The following ADAMTS17 variants were observed in gnomAD, a reference collection of about 807,000 sequenced individuals.
The protein encoded by ADAMTS17 is ADAM metallopeptidase with thrombospondin type 1 motif 17, also known as A disintegrin and metalloproteinase with thrombospondin motifs 17.
In ADAMTS17, 113 loss-of-function variants were observed where a neutral mutation model predicts 141.5. That is an observed-to-expected ratio of 0.80 (90% CI 0.69 to 0.93). The LOEUF is 0.93. Ranked by LOEUF, ADAMTS17 falls within the 40% of genes least tolerant of loss-of-function variation. ADAMTS17 has a pLI of 0.00. For missense variants in ADAMTS17, 1,659 were observed against 1,517.9 expected (o/e 1.09, Z -1.54); for synonymous variants, 768 against 630.6 (o/e 1.22, Z -3.27).
chr15:100,314,451 T>C (rs534363777), intron 3 of ADAMTS17, among the ~76,000 whole-genome samples: 5 of 152,188 alleles, frequency 3.3e-5, no homozygotes, highest in South Asian at 2.1e-4. Context: ...GAACAAAATA[T>C]GTGTGGAGGG....
At chr15:100,084,776 G>A (rs2034990032) in intron 15 of ADAMTS17, among the ~76,000 whole-genome samples, 1 of 152,214 alleles carries the variant, frequency 6.6e-6, no homozygotes, top group African/African-American at 2.4e-5. Context: ...ACCTGTAGCT[G>A]AGGGTCCTCA....
Position 100,030,531 on chromosome 15 carries a change from G to A in ADAMTS17, c.2591+18326C>T, listed in dbSNP as rs574164884. Reference sequence around the variant, plus strand: ...GCACATCTGTGAAATCTCTAGTCACGCGCTGAGCCTGAAATCCAATCTTCG... The same window carrying A: ...GCACATCTGTGAAATCTCTAGTCACACGCTGAGCCTGAAATCCAATCTTCG... On this transcript the variant is annotated intron_variant, in intron 18 of 21. Coordinates refer to ENST00000268070, the MANE Select transcript of ADAMTS17 (RefSeq NM_139057.4). Among the ~76,000 whole-genome samples the A allele has an allele frequency of 2.9e-4, 44 of 152,220 alleles. No homozygotes were observed. In the South Asian group the frequency reaches 3.3e-3, roughly 11 times the overall value.
At chr15:100,231,817 C>G (rs1390217400) in intron 7 of ADAMTS17, among the ~76,000 whole-genome samples, 1 of 151,226 alleles carries the variant, frequency 6.6e-6, no homozygotes, top group Non-Finnish European at 1.5e-5. Flanking sequence ...AGATTCGCCC[C>G]TGATTGTATT....
intron 7 of ADAMTS17, among the ~76,000 whole-genome samples, chr15:100,247,746 C>T (rs1327904385): frequency 6.6e-6 from 1 of 152,182 alleles, no homozygotes; most frequent in Non-Finnish European, 1.5e-5. Context: ...CCGTCCATTA[C>T]CCACACCCAC....
chr15:100,030,312 G>A (rs778414605), intron 18 of ADAMTS17, among the ~76,000 whole-genome samples: 3 of 152,162 alleles, frequency 2.0e-5, no homozygotes, highest in East Asian at 1.9e-4. Context: ...CCTTAATGTC[G>A]TAAGGAATTC....
Position 100,341,937 on chromosome 15 carries a change from C to G in ADAMTS17, c.-38G>C. 1 of 1,547,092 alleles carries G rather than the reference C, an allele frequency of 6.5e-7. No homozygotes were observed. ...CGGCAGCCCCCCCGGACCGTGGCGG[C>G]GAAGCAGGAGCGCGCTAGGCGGCGG... On this transcript the variant is annotated 5_prime_UTR_variant, in exon 1 of 22. Transcript: ENST00000268070.
chr15:99,990,930 C>A (rs1443624237), intron 20 of ADAMTS17, among the ~76,000 whole-genome samples: 1 of 152,176 alleles, frequency 6.6e-6, no homozygotes, highest in Non-Finnish European at 1.5e-5. Flanking sequence ...AAAGGATTCC[C>A]TATTTAATAC....
intron 18 of ADAMTS17, among the ~76,000 whole-genome samples, chr15:100,021,964 A>G (rs1215402832): frequency 6.6e-6 from 1 of 151,746 alleles, no homozygotes; most frequent in Non-Finnish European, 1.5e-5. Flanking sequence ...AGGCTCTCCA[A>G]ATGGCCTAAA....
chr15:100,248,021 CCTT>C (rs2043039084), intron 7 of ADAMTS17, among the ~76,000 whole-genome samples: 3 of 152,026 alleles, frequency 2.0e-5, no homozygotes, highest in Admixed American at 2.0e-4. Flanking sequence ...AGGAGGGGGT[CCTT>C]CTCCCCAAGT....
At chr15:100,331,307 G>A (rs772985836) in intron 2 of ADAMTS17, among the ~76,000 whole-genome samples, 1 of 152,054 alleles carries the variant, frequency 6.6e-6, no homozygotes, top group Non-Finnish European at 1.5e-5. Flanking sequence ...TTCCATGTTG[G>A]CTTTCAGAGA....
chr15:100,059,172 T>A (rs745442761), intron 15 of ADAMTS17, among the ~76,000 whole-genome samples: 1 of 152,128 alleles, frequency 6.6e-6, no homozygotes, highest in Non-Finnish European at 1.5e-5. Context: ...AGCCGATGAG[T>A]TGGAGAACTC....
intron 20 of ADAMTS17, among the ~76,000 whole-genome samples, chr15:99,986,328 C>A (rs1274784168): frequency 6.6e-6 from 1 of 152,236 alleles, no homozygotes; most frequent in Non-Finnish European, 1.5e-5. Context: ...CATCTAACAG[C>A]TGGGTTTCTG....
chr15:100,123,339 G>A (rs1385033041), intron 12 of ADAMTS17, among the ~76,000 whole-genome samples: 1 of 152,166 alleles, frequency 6.6e-6, no homozygotes, highest in African/African-American at 2.4e-5. Context: ...AGCTTGACAG[G>A]GCTAAAATAA....
intron 13 of ADAMTS17, among the ~76,000 whole-genome samples, chr15:100,112,176 G>A (rs186912888): frequency 7.9e-5 from 12 of 152,290 alleles, no homozygotes; most frequent in African/African-American, 2.2e-4. Flanking sequence ...AGAGAAATGC[G>A]GACTCTGCAA....
At chr15:100,084,848 A>G (rs2034994561) in intron 15 of ADAMTS17, among the ~76,000 whole-genome samples, 1 of 152,188 alleles carries the variant, frequency 6.6e-6, no homozygotes, top group Non-Finnish European at 1.5e-5. Context: ...TCTGTACATC[A>G]CCATCATCAA....
rs755532897 is a variant in ADAMTS17, at chr15:99,976,093, C to T, written c.3079G>A (p.Val1027Ile). ...TTGGCGTTGATCCTGTCGTTGCAGA[C>T]CTCCTGGTAGCACTGTCTGTAGGGG... The part of the protein sequence containing the change: ...PAPYRQCYQE[V>I]CNDRINANTI... Residue 1027 changes from valine to isoleucine, a missense_variant, in exon 21 of 22, where the codon GTC becomes ATC. Val to Ile is a conservative substitution (Grantham distance 29). Coordinates refer to ENST00000268070, the MANE Select transcript of ADAMTS17 (RefSeq NM_139057.4). 29 of 1,551,608 alleles carry T rather than the reference C, an allele frequency of 1.9e-5. No individual in the cohort carries two copies. The highest frequency in any genetic ancestry group is 2.4e-5 in the Non-Finnish European group (28 of 1,147,012).
chr15:100,120,957 A>G (rs1282437950), intron 12 of ADAMTS17, among the ~76,000 whole-genome samples: 1 of 152,254 alleles, frequency 6.6e-6, no homozygotes, highest in East Asian at 1.9e-4. Context: ...CAGGAACCAA[A>G]TGAAGGCACA....
intron 7 of ADAMTS17, among the ~76,000 whole-genome samples, chr15:100,239,845 G>A (rs903536184): frequency 6.6e-6 from 1 of 152,158 alleles, no homozygotes; most frequent in African/African-American, 2.4e-5. Flanking sequence ...CCCTGGAGTG[G>A]AGGGATGGTG....
intron 18 of ADAMTS17, among the ~76,000 whole-genome samples, chr15:100,005,091 TTCTC>T (rs1199459600): frequency 1.3e-5 from 2 of 152,196 alleles, no homozygotes; most frequent in Non-Finnish European, 2.9e-5. Flanking sequence ...CAGTTAACGC[TTCTC>T]TAATTCAGGG....
Sources: allele counts gnomAD v4.1 joint callset (sites outside exome capture counted in the v4.1 genomes callset), GRCh38; gene constraint gnomAD v4.1.1; transcripts MANE v1.5; gene names NCBI Gene and HGNC (gene_info 2026-07-23, HGNC 2026-07-21).